The following PALLD variants were observed in gnomAD, a reference collection of about 807,000 sequenced individuals.
PALLD encodes the protein palladin, cytoskeletal associated protein, also known as palladin.
Under a neutral mutation model 123.5 loss-of-function variants are expected in PALLD, and 61 were observed. The observed-to-expected ratio is 0.49, with a 90% CI of 0.40 to 0.61. The LOEUF is 0.61. PALLD is among the 20% of genes least tolerant of loss of function. The pLI is 0.00. For synonymous variants in PALLD, 465 were observed against 496.4 expected (o/e 0.94, Z 0.84); for missense variants, 1,273 against 1,377.0 (o/e 0.92, Z 1.20).
At chr4:168,721,119 C>G (rs1291722651) in intron 10 of PALLD, among the ~76,000 whole-genome samples, 1 of 152,128 alleles carries the variant, frequency 6.6e-6, no homozygotes, top group East Asian at 1.9e-4. Context: ...ACTCAATCAT[C>G]CATAAGAAAT....
intron 2 of PALLD, among the ~76,000 whole-genome samples, chr4:168,569,283 A>G (rs1302080283): frequency 2.6e-5 from 4 of 152,082 alleles, no homozygotes; most frequent in African/African-American, 9.7e-5. Context: ...CCAAGTGACC[A>G]ATGAGAACTG....
chr4:168,825,725 G>A (rs1369546290), intron 10 of PALLD, among the ~76,000 whole-genome samples: 1 of 145,538 alleles, frequency 6.9e-6, no homozygotes, highest in Non-Finnish European at 1.6e-5. Context: ...ATTGCTGAGA[G>A]AGTTTTACTT....
intron 2 of PALLD, among the ~76,000 whole-genome samples, chr4:168,589,391 C>A (rs1290209627): frequency 1.3e-5 from 2 of 152,120 alleles, no homozygotes; most frequent in African/African-American, 2.4e-5. Context: ...TGGCCCCAAT[C>A]CCTCTGAGTC....
intron 10 of PALLD, among the ~76,000 whole-genome samples, chr4:168,858,379 A>T (rs542109837): frequency 6.6e-6 from 1 of 152,288 alleles, no homozygotes; most frequent in Non-Finnish European, 1.5e-5. Flanking sequence ...GCTATCTTTT[A>T]TTTCGAGTGT....
At chr4:168,599,214 C>G (rs1253797455) in intron 2 of PALLD, among the ~76,000 whole-genome samples, 2 of 152,150 alleles carry the variant, frequency 1.3e-5, no homozygotes, top group African/African-American at 4.8e-5. Flanking sequence ...GCTAATTTTA[C>G]AAAAACATTA....
chr4:168,693,723 A>G (rs1445155393), intron 8 of PALLD, among the ~76,000 whole-genome samples: 2 of 152,176 alleles, frequency 1.3e-5, no homozygotes, highest in Non-Finnish European at 2.9e-5. Flanking sequence ...AACTAACACA[A>G]TGAGTTTTCC....
chr4:168,561,675 C>T (rs912612329), intron 2 of PALLD, among the ~76,000 whole-genome samples: 2 of 152,316 alleles, frequency 1.3e-5, no homozygotes, highest in African/African-American at 4.8e-5. Flanking sequence ...AATCTTCATT[C>T]ATGCATATAA....
At chr4:168,773,493 A>G (rs1734732604) in intron 10 of PALLD, among the ~76,000 whole-genome samples, 1 of 152,234 alleles carries the variant, frequency 6.6e-6, no homozygotes, top group African/African-American at 2.4e-5. Context: ...CTGATTGCTA[A>G]GTGCTGTTCA....
chr4:168,710,971 G>A (rs999044283), intron 9 of PALLD, among the ~76,000 whole-genome samples: 2 of 152,298 alleles, frequency 1.3e-5, no homozygotes, highest in Admixed American at 6.5e-5. Context: ...GCTGGGCTGT[G>A]TGGGCAAGGT....
intron 8 of PALLD, among the ~76,000 whole-genome samples, chr4:168,705,626 A>C (rs1784150616): frequency 6.6e-6 from 1 of 152,120 alleles, no homozygotes; most frequent in South Asian, 2.1e-4. Flanking sequence ...TACTTAAATT[A>C]GCATTTTTGG....
At chr4:168,754,991 G>A (rs1422060375) in intron 10 of PALLD, among the ~76,000 whole-genome samples, 2 of 152,148 alleles carry the variant, frequency 1.3e-5, no homozygotes, top group South Asian at 2.1e-4. Context: ...CCAGCACTTC[G>A]GGAGGCTGAG....
At chr4:168,517,191 T>C (rs1247550738) in intron 2 of PALLD, among the ~76,000 whole-genome samples, 1 of 152,188 alleles carries the variant, frequency 6.6e-6, no homozygotes, top group Non-Finnish European at 1.5e-5. Context: ...AGAAAATAAC[T>C]ACAAATAAAA....
chr4:168,633,018 G>A (rs534914501), intron 2 of PALLD, among the ~76,000 whole-genome samples: 1 of 152,282 alleles, frequency 6.6e-6, no homozygotes, highest in East Asian at 1.9e-4. Flanking sequence ...CATGATTTCA[G>A]CTTTCTGATG....
intron 10 of PALLD, among the ~76,000 whole-genome samples, chr4:168,731,200 T>G (rs1787137528): frequency 6.6e-6 from 1 of 152,198 alleles, no homozygotes; most frequent in Non-Finnish European, 1.5e-5. Context: ...TACTTTTAAT[T>G]CCAGTGAACT....
intron 3 of PALLD, among the ~76,000 whole-genome samples, chr4:168,670,512 T>A (rs1222360466): frequency 7.1e-6 from 1 of 140,708 alleles, no homozygotes; most frequent in African/African-American, 2.7e-5. Context: ...GGCGGGTGGA[T>A]CATGAGGTCA....
At chr4:168,871,482 A>C (rs1751062954) in intron 10 of PALLD, among the ~76,000 whole-genome samples, 1 of 152,214 alleles carries the variant, frequency 6.6e-6, no homozygotes, top group South Asian at 2.1e-4. Context: ...ATTGAAAAAA[A>C]AAAGGTTGAA....
intron 10 of PALLD, among the ~76,000 whole-genome samples, chr4:168,873,354 T>C (rs1490298504): frequency 6.6e-6 from 1 of 152,210 alleles, no homozygotes; most frequent in Non-Finnish European, 1.5e-5. Context: ...ATGGCTTCTG[T>C]CATACAATCA....
chr4:168,794,501 C>CACAT (rs1368739931), intron 10 of PALLD, among the ~76,000 whole-genome samples: 8 of 120,940 alleles, frequency 6.6e-5, no homozygotes, highest in Non-Finnish European at 1.2e-4. Context: ...CACGCACACA[C>CACAT]ACACGCACAC....
intron 2 of PALLD, among the ~76,000 whole-genome samples, chr4:168,558,503 G>A (rs371980702): frequency 1.1e-4 from 17 of 152,254 alleles, no homozygotes; most frequent in South Asian, 4.1e-4. Flanking sequence ...AAACAGAAAC[G>A]TGCCTGGCAG....
Sources: allele counts gnomAD v4.1 joint callset (sites outside exome capture counted in the v4.1 genomes callset), GRCh38; gene constraint gnomAD v4.1.1; transcripts MANE v1.5; gene names NCBI Gene and HGNC (gene_info 2026-07-23, HGNC 2026-07-21).